RBFOX1: variants seen among roughly 807,000 people sequenced by gnomAD.
RBFOX1 encodes the protein RNA binding fox-1 homolog 1.
RBFOX1 carries 8 observed loss-of-function variants against 57.7 expected under a neutral mutation model. The observed-to-expected ratio is 0.14, with a 90% confidence interval of 0.08 to 0.25. The LOEUF is 0.25. Among genes scored for constraint, RBFOX1 ranks in the 10% least tolerant of loss-of-function variants. RBFOX1 has a pLI of 1.00. For synonymous variants in RBFOX1, 326 were observed against 222.4 expected (o/e 1.47, Z -4.15); for missense variants, 611 against 548.5 (o/e 1.11, Z -1.14).
chr16:7,674,868 G>T (rs187694114), intron 13 of RBFOX1, among the ~76,000 whole-genome samples: 2 of 152,326 alleles, frequency 1.3e-5, no homozygotes, highest in South Asian at 2.1e-4. Context: ...AAGGCAGAAG[G>T]TGGAGGATAT....
chr16:7,515,504 A>ACAC (rs1469351275), intron 4 of RBFOX1, among the ~76,000 whole-genome samples: 2 of 150,896 alleles, frequency 1.3e-5, no homozygotes, highest in African/African-American at 4.9e-5. Flanking sequence ...CACACACACA[A>ACAC]ATGGAGATCA....
At chr16:6,710,548 T>A (rs1488782184) in intron 3 of RBFOX1, among the ~76,000 whole-genome samples, 1 of 152,254 alleles carries the variant, frequency 6.6e-6, no homozygotes, top group Non-Finnish European at 1.5e-5. Context: ...TTACTTTATC[T>A]AAAGGTGCAG....
At chr16:6,001,128 G>C (rs888630550) in intron 4 of RBFOX1, among the ~76,000 whole-genome samples, 21 of 152,162 alleles carry the variant, frequency 1.4e-4, no homozygotes, top group African/African-American at 4.6e-4. Context: ...CACTTCTTCA[G>C]AATTACTGGT....
intron 1 of RBFOX1, among the ~76,000 whole-genome samples, chr16:5,352,521 A>G (rs1412961002): frequency 1.3e-5 from 2 of 152,160 alleles, no homozygotes; most frequent in Non-Finnish European, 2.9e-5. Flanking sequence ...ATTTTATTGA[A>G]CCCATTTGAG....
At chr16:5,592,565 C>T (rs898012719) in intron 2 of RBFOX1, among the ~76,000 whole-genome samples, 9 of 152,088 alleles carry the variant, frequency 5.9e-5, no homozygotes, top group African/African-American at 1.2e-4. Flanking sequence ...TACAGACTCC[C>T]ACCACCATGC....
intron 3 of RBFOX1, among the ~76,000 whole-genome samples, chr16:5,712,202 T>C (rs758448): frequency 0.75 from 114,108 of 152,150 alleles, 43,239 homozygotes; most frequent in Non-Finnish European, 0.81. Flanking sequence ...CCAGGTCCCT[T>C]CTTCAACACC....
intron 5 of RBFOX1, among the ~76,000 whole-genome samples, chr16:7,568,959 T>C (rs1319099382): frequency 6.6e-6 from 1 of 152,010 alleles, no homozygotes; most frequent in Non-Finnish European, 1.5e-5. Flanking sequence ...AGCCTCATTT[T>C]ATCCAGCCCC....
At chr16:5,428,034 G>T (rs2067615547) in intron 1 of RBFOX1, among the ~76,000 whole-genome samples, 1 of 152,336 alleles carries the variant, frequency 6.6e-6, no homozygotes, top group South Asian at 2.1e-4. Flanking sequence ...GTTACACTGT[G>T]TAGGTAGCTT....
At chr16:5,743,343 G>A (rs1018814646) in intron 3 of RBFOX1, among the ~76,000 whole-genome samples, 1 of 152,148 alleles carries the variant, frequency 6.6e-6, no homozygotes, top group African/African-American at 2.4e-5. Flanking sequence ...TGTCATTACA[G>A]GAAGTGTCAG....
Position 7,676,754 on chromosome 16 carries a change from C to A in RBFOX1, c.931-20C>A. 1 of 1,606,960 alleles carries A rather than the reference C, an allele frequency of 6.2e-7. No homozygotes were observed. Among genetic ancestry groups the A allele is most frequent in the Non-Finnish European group, 8.5e-7 (1 of 1,174,382 alleles). On this transcript the variant is annotated intron_variant, in intron 13 of 15. Transcript: ENST00000550418. ...TGGGCTCCGCTACATTCCTGAGTCA[C>A]ATTTCTCCTTGTGTTTTAGGGTGGT...
At chr16:6,853,701 G>T in intron 3 of RBFOX1, among the ~76,000 whole-genome samples, 1 of 152,126 alleles carries the variant, frequency 6.6e-6, no homozygotes, top group East Asian at 1.9e-4. Flanking sequence ...TTATCACCCT[G>T]GTTGGATTCG....
At chr16:6,231,803 C>T (rs1453389887) in intron 1 of RBFOX1, among the ~76,000 whole-genome samples, 1 of 144,272 alleles carries the variant, frequency 6.9e-6, no homozygotes, top group Non-Finnish European at 1.5e-5. Context: ...GCTTTTATGA[C>T]TAATTGGAAA....
chr16:7,610,029 G>T (rs1176701270), intron 10 of RBFOX1, among the ~76,000 whole-genome samples: 4 of 151,134 alleles, frequency 2.6e-5, no homozygotes, highest in Admixed American at 2.0e-4. Flanking sequence ...TGTTAGCCAG[G>T]ATGGTCTCCA....
At chr16:7,689,609 C>T (rs1480388947) in intron 14 of RBFOX1, among the ~76,000 whole-genome samples, 5 of 151,908 alleles carry the variant, frequency 3.3e-5, no homozygotes, top group African/African-American at 9.7e-5. Context: ...TCTAGGCATT[C>T]TTATCTTCAG....
At chr16:5,424,527 CT>C (rs34944009) in intron 1 of RBFOX1, among the ~76,000 whole-genome samples, 72,952 of 144,116 alleles carry the variant, frequency 0.51, 18,448 homozygotes, top group East Asian at 0.63. Flanking sequence ...TGGCGTTTTA[CT>C]TTTTTTTTTT....
At chr16:7,250,417 G>A (rs1471926797) in intron 4 of RBFOX1, among the ~76,000 whole-genome samples, 1 of 152,174 alleles carries the variant, frequency 6.6e-6, no homozygotes, top group Admixed American at 6.6e-5. Context: ...CTTCATTTGT[G>A]TCTTCTAAGT....
At chr16:7,285,247 A>T (rs1041129914) in intron 4 of RBFOX1, among the ~76,000 whole-genome samples, 1 of 151,902 alleles carries the variant, frequency 6.6e-6, no homozygotes, top group African/African-American at 2.4e-5. Flanking sequence ...GAGAGTTCCA[A>T]TGTACCCTTT....
chr16:5,746,628 G>C (rs2052992696), intron 3 of RBFOX1, among the ~76,000 whole-genome samples: 1 of 152,130 alleles, frequency 6.6e-6, no homozygotes, highest in Admixed American at 6.5e-5. Flanking sequence ...GCAGTTGTTT[G>C]TAGTTCTCCT....
intron 2 of RBFOX1, among the ~76,000 whole-genome samples, chr16:5,562,567 C>T (rs1374478906): frequency 2.0e-5 from 3 of 152,068 alleles, no homozygotes; most frequent in Non-Finnish European, 4.4e-5. Context: ...GGATTACCCA[C>T]TATGGCAGAA....
Sources: gnomAD v4.1 joint callset for allele counts (sites outside exome capture counted in the v4.1 genomes callset) on GRCh38, gnomAD v4.1.1 for gene constraint, MANE v1.5 for transcripts, NCBI Gene and HGNC (gene_info 2026-07-23, HGNC 2026-07-21) for gene names.